Variants in DNAH14 observed in about 807,000 individuals in gnomAD.
DNAH14 encodes the protein axonemal beta dynein heavy chain 14.
In DNAH14, 478 loss-of-function variants were observed where a neutral mutation model predicts 520.9. The ratio of observed to expected loss-of-function variants is 0.92; its 90% CI spans 0.85 to 0.99. The LOEUF (loss-of-function observed/expected upper bound fraction) is 0.99. DNAH14 is among the 50% of genes least tolerant of loss of function. The pLI, the probability that DNAH14 is intolerant of heterozygous loss-of-function variation, is 0.00. For synonymous variants in DNAH14, 1,581 were observed against 1,757.2 expected (o/e 0.90, Z 2.51); for missense variants, 4,831 against 5,234.5 (o/e 0.92, Z 2.38).
chr1:224,953,528 C>G (rs1020710289), intron 2 of DNAH14, among the ~76,000 whole-genome samples: 3 of 152,134 alleles, frequency 2.0e-5, no homozygotes, highest in African/African-American at 7.2e-5. Context: ...ATCTGATAAT[C>G]TTGACCTACA....
chr1:225,054,829 T>C (rs1030969183), intron 17 of DNAH14, among the ~76,000 whole-genome samples: 2 of 152,158 alleles, frequency 1.3e-5, no homozygotes, highest in Non-Finnish European at 2.9e-5. Flanking sequence ...CGTTGCTTTA[T>C]TTTTTATATT....
At chr1:225,108,372 C>T (rs549919809) in intron 23 of DNAH14, among the ~76,000 whole-genome samples, 1 of 152,132 alleles carries the variant, frequency 6.6e-6, no homozygotes, top group East Asian at 1.9e-4. Context: ...TGTGGGACTT[C>T]ACCTTGTGAC....
At chr1:225,012,469 T>A (rs1474537217) in intron 10 of DNAH14, among the ~76,000 whole-genome samples, 2 of 152,176 alleles carry the variant, frequency 1.3e-5, no homozygotes, top group African/African-American at 2.4e-5. Flanking sequence ...TGGTGTTCTC[T>A]GTATTTCCTG....
At chr1:225,394,540 T>C (rs1445328511) in intron 84 of DNAH14, among the ~76,000 whole-genome samples, 1 of 152,208 alleles carries the variant, frequency 6.6e-6, no homozygotes, top group Non-Finnish European at 1.5e-5. Flanking sequence ...TTTCATTTTC[T>C]ATGATCTATA....
At chr1:225,038,986 T>C (rs933604377) in intron 12 of DNAH14, among the ~76,000 whole-genome samples, 163 bp downstream of exon 12, 1 of 152,132 alleles carries the variant, frequency 6.6e-6, no homozygotes, top group African/African-American at 2.4e-5. Context: ...AAAAGCCATA[T>C]TGACACTTAT....
chr1:225,296,312 G>T (rs1558298679), intron 55 of DNAH14, among the ~76,000 whole-genome samples: 2 of 152,068 alleles, frequency 1.3e-5, no homozygotes, highest in East Asian at 1.9e-4. Flanking sequence ...CTCCTGCCTT[G>T]GCCTCCCAAA....
chr1:225,225,221 C>A (rs908144352), intron 41 of DNAH14, among the ~76,000 whole-genome samples: 1 of 152,108 alleles, frequency 6.6e-6, no homozygotes, highest in African/African-American at 2.4e-5. Flanking sequence ...AGGTGTTAAC[C>A]CTAGAGGACT....
At chr1:225,274,358 C>T (rs866960863) in intron 52 of DNAH14, among the ~76,000 whole-genome samples, 2 of 151,872 alleles carry the variant, frequency 1.3e-5, no homozygotes, top group Non-Finnish European at 2.9e-5. Flanking sequence ...GCGCCCGCCA[C>T]TGCGCCCGGC....
intron 27 of DNAH14, among the ~76,000 whole-genome samples, chr1:225,137,610 C>T (rs2079064064): frequency 6.6e-6 from 1 of 152,160 alleles, no homozygotes; most frequent in South Asian, 2.1e-4. Context: ...CCCACCTCAG[C>T]CTCCCAGAGT....
intron 84 of DNAH14, among the ~76,000 whole-genome samples, chr1:225,394,255 C>T (rs576147822): frequency 6.6e-6 from 1 of 152,026 alleles, no homozygotes; most frequent in Admixed American, 6.5e-5. Flanking sequence ...CTGTTTTTGT[C>T]GTATTGATTT....
intron 1 of DNAH14, among the ~76,000 whole-genome samples, chr1:224,941,533 A>G (rs529520408): frequency 2.1e-4 from 32 of 152,072 alleles, no homozygotes; most frequent in Non-Finnish European, 4.1e-4. Flanking sequence ...ATTAGATCCC[A>G]TTTGTCAATT....
chr1:224,943,172 A>G (rs2059545878), intron 1 of DNAH14, among the ~76,000 whole-genome samples: 1 of 152,132 alleles, frequency 6.6e-6, no homozygotes, highest in Admixed American at 6.5e-5. Context: ...TTATTGCCTC[A>G]ATTTCAGAAT....
Position 225,056,481 on chromosome 1 carries a change from G to T in DNAH14, c.2424+4686G>T, listed in dbSNP as rs528025403. ...AAAATTTTCTCCCATTCTGTAGGTT[G>T]CCTGTTCACTCTGATGGTAGTTTCT... On this transcript the variant is annotated intron_variant, in intron 17 of 85. Coordinates refer to ENST00000682510, the MANE Select transcript of DNAH14 (RefSeq NM_001367479.1). Among the ~76,000 whole-genome samples the T allele has an allele frequency of 1.7e-3, 254 of 152,164 alleles. 2 individuals carry two copies. Among genetic ancestry groups the T allele is most frequent in the African/African-American group, 5.9e-3 (244 of 41,506 alleles).
rs559856158 is a variant in DNAH14 at position 225,026,480 on chromosome 1, A to C, written c.1358+2615A>C. 9.2e-5 allele frequency among the ~76,000 whole-genome samples: 14 copies of C among 152,194 alleles called. No individual in the cohort carries two copies. The South Asian group carries it at 2.9e-3, about 32-fold the overall frequency. On this transcript the variant is annotated intron_variant, in intron 11 of 85. Transcript: ENST00000682510. ...TTTCTTCTTTTGTATACGAATATCC[A>C]GTTGTCCCAGTACTATTTGTTGAAA...
At chr1:224,979,620 T>G (rs754108141) in intron 8 of DNAH14, among the ~76,000 whole-genome samples, 1 of 152,134 alleles carries the variant, frequency 6.6e-6, no homozygotes, top group African/African-American at 2.4e-5. Context: ...AACCAATGGA[T>G]GTGGGGGGCA....
chr1:225,080,369 T>A lies in DNAH14; in HGVS notation c.2767-10T>A, dbSNP rs749239880. The A allele has an allele frequency of 6.6e-7, 1 of 1,509,394 alleles. No individual in the cohort carries two copies. Among genetic ancestry groups the A allele is most frequent in the South Asian group, 1.3e-5 (1 of 74,900 alleles). The allele number at this position is 1,509,394 out of a possible 1,614,324, so 93.5% of individuals were successfully genotyped here. A position where few individuals can be genotyped will look rare whatever the true frequency, so the allele number is the denominator to read the frequency against. ...GATTTCTCTTAGAAAGTCCTACTCT[T>A]ATTTTTTAGATAAGAACTCCTCTTC... On this transcript the variant is annotated splice_polypyrimidine_tract_variant and intron_variant, in intron 18 of 85. Coordinates refer to ENST00000682510, the MANE Select transcript of DNAH14 (RefSeq NM_001367479.1).
intron 11 of DNAH14, among the ~76,000 whole-genome samples, chr1:225,026,865 T>TGGGAAA: frequency 6.6e-6 from 1 of 152,156 alleles, no homozygotes; most frequent in Non-Finnish European, 1.5e-5. Context: ...TTCATTCTAA[T>TGGGAAA]AGTATAGTCT....
At chr1:225,239,154 G>A (rs1441914810) in intron 42 of DNAH14, among the ~76,000 whole-genome samples, 1 of 152,156 alleles carries the variant, frequency 6.6e-6, no homozygotes, top group Non-Finnish European at 1.5e-5. Flanking sequence ...TGGCTCCCTG[G>A]ATCCAGCCCT....
intron 37 of DNAH14, among the ~76,000 whole-genome samples, chr1:225,188,291 T>C (rs1052809186): frequency 1.3e-5 from 2 of 151,866 alleles, no homozygotes; most frequent in Admixed American, 1.3e-4. Context: ...TCATTCACCT[T>C]AGTTCATCTC....
Sources: gnomAD v4.1 joint callset for allele counts (sites outside exome capture counted in the v4.1 genomes callset) on GRCh38, gnomAD v4.1.1 for gene constraint, MANE v1.5 for transcripts, NCBI Gene and HGNC (gene_info 2026-07-23, HGNC 2026-07-21) for gene names.